CHIC1: variants seen among roughly 807,000 people sequenced by gnomAD.
The protein encoded by CHIC1 is cysteine rich hydrophobic domain 1.
A neutral mutation model predicts 18.5 loss-of-function variants in CHIC1; 7 were observed. The observed-to-expected ratio is 0.38, with a 90% CI of 0.22 to 0.71. The LOEUF is 0.71. Ranked by LOEUF, CHIC1 falls within the 30% of genes least tolerant of loss-of-function variation. The pLI is 0.49. For synonymous variants in CHIC1, 77 were observed against 73.5 expected (o/e 1.05, Z -0.25); for missense variants, 159 against 176.9 (o/e 0.90, Z 0.57).
At chrX:73,583,380 C>T (rs1024242044) in intron 2 of CHIC1, among the ~76,000 whole-genome samples, 13 of 110,907 alleles carry the variant, frequency 1.2e-4, no homozygotes, top group African/African-American at 4.2e-4. Context: ...ATTGATTCCT[C>T]GAGTACAATT....
Position 73,679,709 on chromosome X carries a change from A to C in CHIC1, c.620A>C (p.Glu207Ala), listed in dbSNP as rs1472021979. Residue 207 changes from glutamate to alanine, a missense_variant, in exon 5 of 6, where the codon GAG becomes GCG. By Grantham distance (107) the Glu-to-Ala change is moderately radical. Transcript: ENST00000373502. ...KRKCETSNMM[E>A]YVILIEFLPK... ...AAATGTGAAACTAGCAATATGATGG[A>C]GTATGTAAGTATGAGGTTGTTTTTA... The C allele has an allele frequency of 2.0e-6, 2 of 1,022,290 alleles. No homozygotes were observed. Among genetic ancestry groups the C allele is most frequent in the Non-Finnish European group, 1.3e-6 (1 of 764,172 alleles). The allele number at this position is 1,022,290 out of a possible 1,213,427, so 84.2% of individuals were successfully genotyped here. A position where few individuals can be genotyped will look rare whatever the true frequency, so the allele number is the denominator to read the frequency against.
At chrX:73,637,526 A>G (rs1223905793) in intron 3 of CHIC1, among the ~76,000 whole-genome samples, 1 of 110,402 alleles carries the variant, frequency 9.1e-6, no homozygotes, top group Non-Finnish European at 1.9e-5. Flanking sequence ...GGTGTCTCAC[A>G]AGTCCCATAG....
chrX:73,676,068 C>G (rs1247842679), intron 3 of CHIC1, among the ~76,000 whole-genome samples: 2 of 112,073 alleles, frequency 1.8e-5, no homozygotes, highest in East Asian at 5.6e-4. Context: ...CCCCCACTCT[C>G]TTCTGGCTTG....
At chrX:73,676,092 G>A (rs1413418321) in intron 3 of CHIC1, among the ~76,000 whole-genome samples, 4 of 111,984 alleles carry the variant, frequency 3.6e-5, no homozygotes, top group African/African-American at 9.7e-5. Context: ...AGTTTCTGCC[G>A]AGAGATCTGC....
chrX:73,638,972 T>C (rs1260747001), intron 3 of CHIC1, among the ~76,000 whole-genome samples: 10 of 112,126 alleles, frequency 8.9e-5, no homozygotes, highest in Admixed American at 7.6e-4. Flanking sequence ...TTGTCAGCAG[T>C]ACTGCAGTGA....
chrX:73,595,411 A>T (rs995182771), intron 3 of CHIC1, among the ~76,000 whole-genome samples: 3 of 111,021 alleles, frequency 2.7e-5, no homozygotes, highest in African/African-American at 9.8e-5. Flanking sequence ...CTTATAAGTG[A>T]GAACATGCAG....
intron 3 of CHIC1, among the ~76,000 whole-genome samples, chrX:73,608,307 G>T (rs182773369): frequency 9.2e-6 from 1 of 109,019 alleles, no homozygotes; most frequent in Admixed American, 9.6e-5. Context: ...CTTGAGCTTT[G>T]TAGTAAATTA....
chrX:73,645,447 T>C (rs1282198692), intron 3 of CHIC1, among the ~76,000 whole-genome samples: 1 of 112,016 alleles, frequency 8.9e-6, no homozygotes, highest in East Asian at 2.8e-4. Flanking sequence ...TGCTGGATTA[T>C]ATGGGAATTC....
intron 3 of CHIC1, among the ~76,000 whole-genome samples, chrX:73,675,184 G>A (rs921153926): frequency 9.0e-6 from 1 of 111,627 alleles, no homozygotes; most frequent in East Asian, 2.8e-4. Flanking sequence ...GTGTGGTGTG[G>A]TGCTGAAAAG....
At position 73,684,989 on chromosome X, in the gene CHIC1, G is replaced by A. The variant is rs932804035; in HGVS notation, c.*3984G>A. On this transcript the variant is annotated 3_prime_UTR_variant, in exon 6 of 6. Transcript: ENST00000373502. Reference sequence around the variant, plus strand: ...AATGATCTAATATTGTGGGCTCCAGGCAGGTCATCTTAATTGCATGTCTGT... The same window carrying A: ...AATGATCTAATATTGTGGGCTCCAGACAGGTCATCTTAATTGCATGTCTGT... 7 of 110,957 alleles carry A rather than the reference G, an allele frequency of 6.3e-5. No individual in the cohort carries two copies. The highest frequency in any genetic ancestry group is 2.3e-4 in the African/African-American group (7 of 30,528). The allele number at this position is 110,957 out of a possible 1,213,427, so 9.1% of individuals were successfully genotyped here. A position where few individuals can be genotyped will look rare whatever the true frequency, so the allele number is the denominator to read the frequency against.
At chrX:73,659,340 C>A (rs1175335965) in intron 3 of CHIC1, among the ~76,000 whole-genome samples, 1 of 107,915 alleles carries the variant, frequency 9.3e-6, no homozygotes, top group African/African-American at 3.4e-5. Context: ...CTCCCACCAC[C>A]CTGAATGATC....
At chrX:73,572,166 G>A (rs970712768) in intron 1 of CHIC1, among the ~76,000 whole-genome samples, 1 of 111,038 alleles carries the variant, frequency 9.0e-6, no homozygotes, top group Non-Finnish European at 1.9e-5. Flanking sequence ...TTATGTTCAT[G>A]TGTACTTAAT....
chrX:73,624,801 C>T (rs1464824977), intron 3 of CHIC1, among the ~76,000 whole-genome samples: 1 of 112,115 alleles, frequency 8.9e-6, no homozygotes, highest in African/African-American at 3.2e-5. Flanking sequence ...ATGTTCTATC[C>T]TAAGGTATTC....
chrX:73,676,133 A>C (rs925557863), intron 3 of CHIC1, among the ~76,000 whole-genome samples: 14 of 111,950 alleles, frequency 1.3e-4, no homozygotes, highest in African/African-American at 4.2e-4. Flanking sequence ...CTTTGTGGGT[A>C]ACCAGACCTT....
chrX:73,589,889 T>C (rs1323636022), intron 3 of CHIC1, among the ~76,000 whole-genome samples: 1 of 111,125 alleles, frequency 9.0e-6, no homozygotes, highest in African/African-American at 3.3e-5. Flanking sequence ...AGTTTGCTTG[T>C]TTGTTTTGTA....
At chrX:73,652,133 G>T (rs961643060) in intron 3 of CHIC1, among the ~76,000 whole-genome samples, 3 of 111,873 alleles carry the variant, frequency 2.7e-5, no homozygotes, top group African/African-American at 9.7e-5. Context: ...AAGCAACAGG[G>T]AAAGGATTTT....
At chrX:73,635,631 T>C (rs2057828209) in intron 3 of CHIC1, among the ~76,000 whole-genome samples, 1 of 112,035 alleles carries the variant, frequency 8.9e-6, no homozygotes, top group Admixed American at 9.4e-5. Flanking sequence ...TCATTTAGGC[T>C]AGCCAATTTG....
At chrX:73,563,681 T>C (rs1462951772) in intron 1 of CHIC1, 101 bp downstream of exon 1, 2 of 816,486 alleles carry the variant, frequency 2.4e-6, no homozygotes, top group East Asian at 3.9e-5. Flanking sequence ...GGTTGACTGA[T>C]TGACTGAGGC....
Position 73,563,419 on chromosome X carries a change from G to A in CHIC1, c.135G>A (p.Glu45=), listed in dbSNP as rs1402805687. The change falls in exon 1 of 6, where the codon GAG becomes GAA. Residue 45 remains glutamate, a synonymous_variant. Coordinates refer to ENST00000373502, the MANE Select transcript of CHIC1 (RefSeq NM_001039840.4). The part of the protein sequence containing the change: ...SSSVSGPDDD[E]EDEEEEEEEE... Reference sequence around the variant, plus strand: ...CGGTATCTGGGCCCGACGATGACGAGGAGGATGAGGAGGAAGAGGAGGAAG... The same window carrying A: ...CGGTATCTGGGCCCGACGATGACGAAGAGGATGAGGAGGAAGAGGAGGAAG... 1 of 1,157,783 alleles carries A rather than the reference G, an allele frequency of 8.6e-7. No individual in the cohort carries two copies.
Sources: allele counts gnomAD v4.1 joint callset (sites outside exome capture counted in the v4.1 genomes callset), GRCh38; gene constraint gnomAD v4.1.1; transcripts MANE v1.5; gene names NCBI Gene and HGNC (gene_info 2026-07-23, HGNC 2026-07-21).